The following CSMD1 variants were observed in gnomAD, a reference collection of about 807,000 sequenced individuals.
CSMD1 encodes CUB and sushi domain-containing protein 1.
In CSMD1, 213 loss-of-function variants were observed where a neutral mutation model predicts 417.5. The ratio of observed to expected loss-of-function variants is 0.51; its 90% CI spans 0.46 to 0.57. The LOEUF is 0.57. CSMD1 is among the 20% of genes least tolerant of loss of function. The pLI, the probability that CSMD1 is intolerant of heterozygous loss-of-function variation, is 0.00. For synonymous variants in CSMD1, 2,862 were observed against 1,736.8 expected (o/e 1.65, Z -16.11); for missense variants, 6,923 against 4,529.7 (o/e 1.53, Z -15.17).
chr8:3,500,802 C>A (rs1796568813), intron 10 of CSMD1, among the ~76,000 whole-genome samples: 1 of 152,072 alleles, frequency 6.6e-6, no homozygotes, highest in Non-Finnish European at 1.5e-5. Flanking sequence ...GGAAGAAGCG[C>A]TAAAGTGGAT....
intron 5 of CSMD1, among the ~76,000 whole-genome samples, chr8:3,890,414 G>A (rs574252194): frequency 4.6e-5 from 7 of 152,024 alleles, no homozygotes; most frequent in African/African-American, 1.2e-4. Context: ...GACATCAGAC[G>A]CCACCTGAAC....
intron 3 of CSMD1, among the ~76,000 whole-genome samples, chr8:4,241,501 G>C (rs1028476679): frequency 4.1e-4 from 63 of 152,180 alleles, no homozygotes; most frequent in African/African-American, 1.4e-3. Context: ...GTCTTTGAAT[G>C]TCTGTGCCCC....
rs1460726169 is a variant in CSMD1, at chr8:3,367,309, C to CAGAGAGGGAGCGGGGCAG, written c.2900-80_2900-63dup. Reference sequence around the variant, plus strand: ...AGAGAGACACACGGGGCGGCGGGGGCAGAGAGGGAGCGGGGCAGAGAGAGA... The same window carrying CAGAGAGGGAGCGGGGCAG: ...AGAGAGACACACGGGGCGGCGGGGGCAGAGAGGGAGCGGGGCAGAGAGAGGGAGCGGGGCAGAGAGAGA... On this transcript the variant is annotated intron_variant, in intron 19 of 69. Transcript: ENST00000635120. 7 of 1,045,902 alleles carry CAGAGAGGGAGCGGGGCAG rather than the reference C, an allele frequency of 6.7e-6. No individual in the cohort carries two copies. The African/African-American group carries it at 1.1e-4, about 17-fold the overall frequency. The allele number at this position is 1,045,902 out of a possible 1,614,324, so 64.8% of individuals were successfully genotyped here.
At chr8:4,651,862 A>C (rs1350722219) in intron 1 of CSMD1, among the ~76,000 whole-genome samples, 1 of 152,176 alleles carries the variant, frequency 6.6e-6, no homozygotes, top group East Asian at 1.9e-4. Context: ...CCTGTCTTAT[A>C]AAGAACCCTG....
chr8:4,608,607 T>C (rs1431565545), intron 2 of CSMD1, among the ~76,000 whole-genome samples: 1 of 152,234 alleles, frequency 6.6e-6, no homozygotes, highest in Non-Finnish European at 1.5e-5. Flanking sequence ...ATACTACAAA[T>C]GCGTCATTTT....
intron 26 of CSMD1, among the ~76,000 whole-genome samples, chr8:3,259,119 C>T (rs375027863): frequency 6.6e-6 from 1 of 152,234 alleles, no homozygotes; most frequent in East Asian, 1.9e-4. Context: ...TATGACAAGA[C>T]AAATTATTAT....
At chr8:4,868,212 C>G (rs1802529151) in intron 1 of CSMD1, among the ~76,000 whole-genome samples, 1 of 152,078 alleles carries the variant, frequency 6.6e-6, no homozygotes, top group East Asian at 1.9e-4. Context: ...TGAGCCTACT[C>G]TGTATGTTAT....
At chr8:4,034,297 G>A (rs544459141) in intron 3 of CSMD1, among the ~76,000 whole-genome samples, 1 of 152,186 alleles carries the variant, frequency 6.6e-6, no homozygotes, top group Non-Finnish European at 1.5e-5. Flanking sequence ...GAATATTATT[G>A]ACATGTTTAT....
chr8:4,167,143 T>A (rs1338594869), intron 3 of CSMD1, among the ~76,000 whole-genome samples: 1 of 151,468 alleles, frequency 6.6e-6, no homozygotes, highest in Non-Finnish European at 1.5e-5. Flanking sequence ...TTAGGTGACA[T>A]TTTTTTTTCT....
chr8:3,230,997 T>C (rs530137896), intron 26 of CSMD1, among the ~76,000 whole-genome samples: 18 of 152,252 alleles, frequency 1.2e-4, no homozygotes, highest in East Asian at 5.8e-4. Flanking sequence ...ATGTGTAAAG[T>C]GCATTGCAAA....
intron 2 of CSMD1, among the ~76,000 whole-genome samples, chr8:4,593,488 G>A (rs771291033): frequency 3.9e-5 from 6 of 152,164 alleles, no homozygotes; most frequent in Non-Finnish European, 5.9e-5. Context: ...AAAAGAGAAC[G>A]CTTTTAGAGT....
intron 12 of CSMD1, among the ~76,000 whole-genome samples, chr8:3,443,319 C>G (rs1256839466): frequency 6.6e-6 from 1 of 152,034 alleles, no homozygotes; most frequent in African/African-American, 2.4e-5. Context: ...GAGTGCTGTA[C>G]AGCCAGAGAA....
intron 3 of CSMD1, among the ~76,000 whole-genome samples, chr8:4,203,026 T>G (rs560094809): frequency 1.3e-5 from 2 of 152,336 alleles, no homozygotes; most frequent in East Asian, 3.9e-4. Context: ...TATGTTTCCT[T>G]ACCTGCTGAG....
intron 4 of CSMD1, among the ~76,000 whole-genome samples, chr8:4,027,895 T>A (rs1333698073): frequency 2.6e-5 from 4 of 152,180 alleles, no homozygotes; most frequent in Admixed American, 2.0e-4. Context: ...TAACTTTGAT[T>A]TTTTTTCTGA....
At chr8:3,791,723 T>G (rs1056218309) in intron 5 of CSMD1, among the ~76,000 whole-genome samples, 1 of 152,050 alleles carries the variant, frequency 6.6e-6, no homozygotes, top group African/African-American at 2.4e-5. Context: ...CTCAGGAGGC[T>G]GAAGCAAGAG....
chr8:3,320,257 A>G (rs981821603), intron 23 of CSMD1, among the ~76,000 whole-genome samples: 1 of 152,136 alleles, frequency 6.6e-6, no homozygotes, highest in African/African-American at 2.4e-5. Flanking sequence ...ATGAGAAGAA[A>G]TGGGAGACAA....
At chr8:3,461,128 C>A (rs149923746) in intron 12 of CSMD1, among the ~76,000 whole-genome samples, 1 of 152,154 alleles carries the variant, frequency 6.6e-6, no homozygotes, top group African/African-American at 2.4e-5. Flanking sequence ...CGGCCCTCAT[C>A]GCTCTGCGGA....
At chr8:3,784,681 T>C (rs1799354767) in intron 5 of CSMD1, among the ~76,000 whole-genome samples, 1 of 152,204 alleles carries the variant, frequency 6.6e-6, no homozygotes, top group Non-Finnish European at 1.5e-5. Flanking sequence ...TGTCAGCAAA[T>C]TTTCAAATAT....
chr8:4,902,149 C>T (rs1384706685), intron 1 of CSMD1, among the ~76,000 whole-genome samples: 6 of 152,028 alleles, frequency 3.9e-5, no homozygotes, highest in African/African-American at 4.8e-5. Flanking sequence ...AAGAAAAATG[C>T]CTGTCAACCC....
Sources: allele counts gnomAD v4.1 joint callset (sites outside exome capture counted in the v4.1 genomes callset), GRCh38; gene constraint gnomAD v4.1.1; transcripts MANE v1.5; gene names NCBI Gene and HGNC (gene_info 2026-07-23, HGNC 2026-07-21).